Variants in HDHD5 observed in about 807,000 individuals in gnomAD.
HDHD5 encodes haloacid dehalogenase-like hydrolase domain-containing 5.
A neutral mutation model predicts 35.5 loss-of-function variants in HDHD5; 34 were observed. That is an observed-to-expected ratio of 0.96 (90% CI 0.73 to 1.28). The LOEUF (loss-of-function observed/expected upper bound fraction) is 1.28. Ranked by LOEUF, HDHD5 falls within the 50% of genes most tolerant of loss-of-function variation. HDHD5 has a pLI of 0.00. For missense variants in HDHD5, 589 were observed against 560.2 expected, an observed-to-expected ratio of 1.05 and a Z score of -0.52; for synonymous variants, 248 against 240.6, an observed-to-expected ratio of 1.03 and a Z score of -0.29.
rs1337725659 is a variant in HDHD5 at position 17,149,734 on chromosome 22, G to C, written c.138C>G (p.Thr46=). The change falls in exon 2 of 8, where the codon ACC becomes ACG. Residue 46 remains threonine (T), a synonymous_variant. Coordinates refer to ENST00000336737, the MANE Select transcript of HDHD5 (RefSeq NM_033070.3). ...YAVGPAQSPP[T]FGFLLDIDGV... ...CATCGATGTCCAACAGGAACCCAAA[G>C]GTGGGTGGGCTCTGCAGAGATGGTA... is the stretch of plus-strand genomic sequence containing the variant. 3 of 1,613,952 alleles carry C rather than the reference G, an allele frequency of 1.9e-6. No homozygotes were observed. In the East Asian group the frequency reaches 6.7e-5, roughly 36 times the overall value.
At chr22:17,143,427 C>G (rs2061621838) in intron 4 of HDHD5, 2 of 328,536 alleles carry the variant, frequency 6.1e-6, no homozygotes, top group Non-Finnish European at 1.1e-5. Context: ...TATAGCCAAG[C>G]AAGAGTCTAA....
chr22:17,149,025 A>C (rs1389726603), intron 2 of HDHD5, among the ~76,000 whole-genome samples: 3 of 152,240 alleles, frequency 2.0e-5, no homozygotes, highest in African/African-American at 7.2e-5. Flanking sequence ...AAATCACAGC[A>C]AGGAACCAAT....
chr22:17,147,463 T>C (rs174793), intron 3 of HDHD5, among the ~76,000 whole-genome samples: 12 of 64,120 alleles, frequency 1.9e-4, no homozygotes, highest in East Asian at 5.1e-4. Flanking sequence ...TCGCACACGC[T>C]CCACACCTGT....
rs756877788 is a variant in HDHD5, at chr22:17,143,148, G to C, written c.538-17C>G. ...CGGGAGGGGCTGCAGAGAGACAAAG[G>C]AGAGGCTATCAACACAAGTCGCCTT... is the stretch of plus-strand genomic sequence containing the variant. On this transcript the variant is annotated splice_polypyrimidine_tract_variant and intron_variant, in intron 4 of 7. Transcript: ENST00000336737. 1 of 1,607,298 alleles carries C rather than the reference G, an allele frequency of 6.2e-7. No individual in the cohort carries two copies. Among genetic ancestry groups the C allele is most frequent in the East Asian group, 2.2e-5 (1 of 44,502 alleles).
intron 1 of HDHD5, among the ~76,000 whole-genome samples, chr22:17,155,815 A>G (rs927884450): frequency 2.6e-5 from 4 of 152,202 alleles, no homozygotes; most frequent in African/African-American, 7.2e-5. Context: ...TGCATATACA[A>G]TGGTCCCTTA....
chr22:17,156,454 T>C (rs1482478251), intron 1 of HDHD5, among the ~76,000 whole-genome samples: 1 of 150,408 alleles, frequency 6.6e-6, no homozygotes, highest in African/African-American at 2.5e-5. Context: ...CTACCAAAGA[T>C]ACAAAAAATT....
chr22:17,140,969 G>T, intron 6 of HDHD5, 90 bp downstream of exon 6: 2 of 1,259,510 alleles, frequency 1.6e-6, no homozygotes, highest in Non-Finnish European at 2.1e-6. Flanking sequence ...CACCTGGGGT[G>T]TCAGGACGGA....
At position 17,165,006 on chromosome 22, in the gene HDHD5, G is replaced by GTC. The variant is rs775696914; in HGVS notation, c.36+201_36+202dup. On this transcript the variant is annotated intron_variant, in intron 1 of 7. Transcript: ENST00000155674. ...CTTGCAGGAGGGTTTACTGCTCACT[G>GTC]TCTCTCTCTCTTTCTATCTCTCTCC... Among the ~76,000 whole-genome samples the GTC allele has an allele frequency of 7.2e-5, 11 of 152,216 alleles. No individual in the cohort carries two copies. The South Asian group carries it at 8.3e-4, about 11-fold the overall frequency.
intron 6 of HDHD5, 41 bp downstream of exon 6, chr22:17,141,018 A>G: frequency 6.5e-7 from 1 of 1,528,978 alleles, no homozygotes; most frequent in South Asian, 1.3e-5. Flanking sequence ...AGCAGCCAGG[A>G]ATAGACCACC....
At chr22:17,152,689 A>C (rs1440966873) in intron 1 of HDHD5, among the ~76,000 whole-genome samples, 2 of 152,136 alleles carry the variant, frequency 1.3e-5, no homozygotes, top group Non-Finnish European at 2.9e-5. Flanking sequence ...AATACTACTT[A>C]ATAATGGACC....
chr22:17,143,259 G>T, intron 4 of HDHD5, 128 bp from the exon 5 acceptor site: 3 of 977,220 alleles, frequency 3.1e-6, no homozygotes, highest in Non-Finnish European at 4.4e-6. Context: ...CCGTGGTCAA[G>T]CCCAAGCCAA....
rs1338265534 is a variant in HDHD5, at chr22:17,138,536, A to C, written c.935+14T>G. The C allele has an allele frequency of 1.2e-6, 2 of 1,610,998 alleles. No homozygotes were observed. The highest frequency in any genetic ancestry group is 2.7e-5 in the African/African-American group (2 of 74,794). On this transcript the variant is annotated intron_variant, in intron 7 of 7. Transcript: ENST00000336737. The stretch of plus-strand genomic sequence containing the variant: ...ATGTCATAAAAGGGACAAAGGAGGG[A>C]GAGCAGAGCCTACCCCACAGCATAG...
intron 3 of HDHD5, among the ~76,000 whole-genome samples, chr22:17,147,390 T>A (rs34399544): frequency 3.4e-4 from 16 of 47,576 alleles, no homozygotes; most frequent in South Asian, 2.4e-3. Context: ...TTCGATCACA[T>A]GCCATCGCAC....
intron 1 of HDHD5, among the ~76,000 whole-genome samples, chr22:17,156,503 T>C (rs1423032811): frequency 2.0e-5 from 3 of 151,574 alleles, no homozygotes; most frequent in Non-Finnish European, 4.4e-5. Flanking sequence ...TTTTTTTTAA[T>C]AGAAAAAAGC....
chr22:17,145,635 T>C (rs1290783096), intron 3 of HDHD5, among the ~76,000 whole-genome samples: 1 of 151,930 alleles, frequency 6.6e-6, no homozygotes, highest in East Asian at 1.9e-4. Flanking sequence ...AAGGCTACAG[T>C]GAGCTATGAT....
At chr22:17,155,623 T>A (rs2061780827) in intron 1 of HDHD5, among the ~76,000 whole-genome samples, 1 of 152,054 alleles carries the variant, frequency 6.6e-6, no homozygotes, top group Non-Finnish European at 1.5e-5. Flanking sequence ...AATTGAGCAA[T>A]ATCCATAAGG....
At position 17,138,717 on chromosome 22, in the gene HDHD5, C is replaced by T. The variant is rs528367507; in HGVS notation, c.768G>A (p.Leu256=). 33 of 1,614,208 alleles carry T rather than the reference C, an allele frequency of 2.0e-5. No individual in the cohort carries two copies. Among genetic ancestry groups the T allele is most frequent in the Admixed American group, 3.3e-5 (2 of 60,030 alleles). ...TCTGGTAAATGGTTTCCAGGCACAG[C>T]AGAAAGGTGCCATGTCCAAACCTGC... is the stretch of plus-strand genomic sequence containing the variant. ...KMPRFGHGTF[L]LCLETIYQKV... The change falls in exon 7 of 8, where the codon CTG becomes CTA. Residue 256 remains leucine (L), a synonymous_variant. Transcript: ENST00000336737.
At chr22:17,140,094 C>T (rs1169246088) in intron 6 of HDHD5, among the ~76,000 whole-genome samples, 5 of 152,318 alleles carry the variant, frequency 3.3e-5, no homozygotes, top group African/African-American at 1.2e-4. Flanking sequence ...TACCATACCC[C>T]GTCTCTCTGG....
At chr22:17,140,260 A>C (rs1318556010) in intron 6 of HDHD5, among the ~76,000 whole-genome samples, 1 of 152,188 alleles carries the variant, frequency 6.6e-6, no homozygotes, top group Non-Finnish European at 1.5e-5. Context: ...GCTGGCCTTC[A>C]AGTAAGCACC....
Sources: allele counts gnomAD v4.1 joint callset (sites outside exome capture counted in the v4.1 genomes callset), GRCh38; gene constraint gnomAD v4.1.1; transcripts MANE v1.5; gene names NCBI Gene and HGNC (gene_info 2026-07-23, HGNC 2026-07-21).